PRKD1: variants seen among roughly 807,000 people sequenced by gnomAD.
PRKD1 encodes serine/threonine-protein kinase D1.
A neutral mutation model predicts 95.9 loss-of-function variants in PRKD1; 63 were observed. The ratio of observed to expected loss-of-function variants is 0.66; its 90% CI spans 0.54 to 0.81. The LOEUF (loss-of-function observed/expected upper bound fraction) is 0.81, where lower values mean the gene tolerates loss of function less well. Among genes scored for constraint, PRKD1 ranks in the 30% least tolerant of loss-of-function variants. The pLI is 0.00. For missense variants in PRKD1, 1,048 were observed against 1,165.3 expected, an observed-to-expected ratio of 0.90 and a Z score of 1.47; for synonymous variants, 425 against 423.1, an observed-to-expected ratio of 1.00 and a Z score of -0.05.
At chr14:29,804,924 T>C (rs1357367898) in intron 1 of PRKD1, among the ~76,000 whole-genome samples, 2 of 152,142 alleles carry the variant, frequency 1.3e-5, no homozygotes, top group African/African-American at 4.8e-5. Flanking sequence ...GGAAATCTCA[T>C]AGGGCTTAAA....
intron 16 of PRKD1, among the ~76,000 whole-genome samples, chr14:29,590,829 C>T (rs981649110): frequency 1.2e-4 from 18 of 152,138 alleles, no homozygotes; most frequent in African/African-American, 2.2e-4. Context: ...CTGGCTCTGT[C>T]GCCCAGGCTG....
chr14:29,898,630 C>T lies in PRKD1; in HGVS notation c.264+28619G>A, dbSNP rs956621169. Among the ~76,000 whole-genome samples, 4 of 152,258 alleles carry T rather than the reference C, an allele frequency of 2.6e-5. No individual in the cohort carries two copies. The East Asian group carries it at 7.7e-4, about 29-fold the overall frequency. On this transcript the variant is annotated intron_variant, in intron 1 of 17. Coordinates refer to ENST00000331968, the MANE Select transcript of PRKD1 (RefSeq NM_002742.3). ...TCAGGTAATTTTTATTGTCTTCAAA[C>T]ACCACTAGATTGATAATTCTGACCA...
intron 1 of PRKD1, among the ~76,000 whole-genome samples, chr14:29,923,244 AAAC>A (rs1895186642): frequency 6.6e-6 from 1 of 150,660 alleles, no homozygotes; most frequent in African/African-American, 2.5e-5. Flanking sequence ...AAAAAAAAAA[AAAC>A]ACACAGTAAA....
intron 13 of PRKD1, among the ~76,000 whole-genome samples, chr14:29,621,530 GT>G (rs1879267918): frequency 6.6e-6 from 1 of 151,740 alleles, no homozygotes; most frequent in Non-Finnish European, 1.5e-5. Flanking sequence ...ATAATTGGCA[GT>G]TTTATAATAA....
rs565275870 is a variant in PRKD1, at chr14:29,599,776, A to G, written c.1947T>C (p.Phe649=). The G allele has an allele frequency of 1.2e-6, 2 of 1,613,142 alleles. No homozygotes were observed. Among genetic ancestry groups the G allele is most frequent in the Non-Finnish European group, 1.7e-6 (2 of 1,179,634 alleles). ...CAACAAACACTCTTTCAGGCGTCTC[A>G]AACATACACTCCAAATTTACAACAC... The part of the protein sequence containing the change: ...HPGVVNLECM[F]ETPERVFVVM... The change falls in exon 14 of 18, where the codon TTT becomes TTC. Residue 649 remains phenylalanine (F), a synonymous_variant. Coordinates refer to ENST00000331968, the MANE Select transcript of PRKD1 (RefSeq NM_002742.3).
intron 2 of PRKD1, among the ~76,000 whole-genome samples, chr14:29,699,230 C>T (rs1884698956): frequency 6.6e-6 from 1 of 152,166 alleles, no homozygotes; most frequent in African/African-American, 2.4e-5. Flanking sequence ...TTGAAAAGTA[C>T]TATCAAGTTG....
intron 13 of PRKD1, among the ~76,000 whole-genome samples, chr14:29,622,489 G>A (rs1366862658): frequency 2.0e-5 from 3 of 149,678 alleles, no homozygotes; most frequent in Non-Finnish European, 4.4e-5. Context: ...CTGCAACCTC[G>A]CCTCCCAGGT....
At chr14:29,612,478 C>A (rs901240446) in intron 13 of PRKD1, among the ~76,000 whole-genome samples, 1 of 152,114 alleles carries the variant, frequency 6.6e-6, no homozygotes, top group Non-Finnish European at 1.5e-5. Context: ...GTCCCCAAAA[C>A]ACTCCTATGA....
intron 1 of PRKD1, among the ~76,000 whole-genome samples, chr14:29,869,703 T>C (rs1594590453): frequency 6.6e-6 from 1 of 152,232 alleles, no homozygotes; most frequent in East Asian, 1.9e-4. Context: ...TATGCTATGG[T>C]CCCCCAGTCT....
intron 13 of PRKD1, among the ~76,000 whole-genome samples, chr14:29,616,909 G>A (rs577946802): frequency 6.6e-6 from 1 of 152,246 alleles, no homozygotes; most frequent in South Asian, 2.1e-4. Context: ...CAGATAATAA[G>A]CATTAGTACT....
chr14:29,882,537 C>A (rs577427555), intron 1 of PRKD1, among the ~76,000 whole-genome samples: 2 of 151,936 alleles, frequency 1.3e-5, no homozygotes, highest in Non-Finnish European at 2.9e-5. Context: ...TAAAATTTAC[C>A]ATCTTAACCA....
intron 2 of PRKD1, among the ~76,000 whole-genome samples, chr14:29,723,319 C>T (rs1157380447): frequency 6.6e-6 from 1 of 152,080 alleles, no homozygotes; most frequent in African/African-American, 2.4e-5. Flanking sequence ...CACTCAACTC[C>T]TCAACTAAGA....
intron 1 of PRKD1, among the ~76,000 whole-genome samples, chr14:29,901,892 T>A (rs1894331611): frequency 6.6e-6 from 1 of 152,196 alleles, no homozygotes; most frequent in South Asian, 2.1e-4. Context: ...ATCCAGAAGT[T>A]AGGAGGCTGC....
intron 1 of PRKD1, among the ~76,000 whole-genome samples, chr14:29,741,765 ATTTT>A (rs1886988282): frequency 6.6e-6 from 1 of 152,058 alleles, no homozygotes; most frequent in Non-Finnish European, 1.5e-5. Flanking sequence ...CTTAACTTCC[ATTTT>A]GTTAATTTTA....
chr14:29,684,143 G>GTTTTTTTTTTTTTTTTTT, intron 2 of PRKD1, among the ~76,000 whole-genome samples: 1 of 135,792 alleles, frequency 7.4e-6, no homozygotes, highest in Non-Finnish European at 1.6e-5. Context: ...CTTTAGAATG[G>GTTTTTTTTTTTTTTTTTT]TTTTTTTTTT....
intron 2 of PRKD1, among the ~76,000 whole-genome samples, chr14:29,672,090 C>T (rs928212425): frequency 6.6e-6 from 1 of 152,120 alleles, no homozygotes; most frequent in Non-Finnish European, 1.5e-5. Flanking sequence ...TGCCTGTAAT[C>T]CCAGCACTTT....
At chr14:29,683,623 G>A (rs1483576771) in intron 2 of PRKD1, among the ~76,000 whole-genome samples, 1 of 152,174 alleles carries the variant, frequency 6.6e-6, no homozygotes, top group South Asian at 2.1e-4. Context: ...GATGATAAAA[G>A]AGAAGCAATA....
chr14:29,846,754 A>G (rs1025500861), intron 1 of PRKD1, among the ~76,000 whole-genome samples: 1 of 152,232 alleles, frequency 6.6e-6, no homozygotes, highest in Non-Finnish European at 1.5e-5. Context: ...GTTGACTGGC[A>G]GGTGAGAGTG....
chr14:29,597,457 T>C, intron 16 of PRKD1, 34 bp downstream of exon 16: 1 of 1,517,388 alleles, frequency 6.6e-7, no homozygotes, highest in South Asian at 1.3e-5. Flanking sequence ...AAATAAGGAT[T>C]AGATTATTAT....
Sources: allele counts gnomAD v4.1 joint callset (sites outside exome capture counted in the v4.1 genomes callset), GRCh38; gene constraint gnomAD v4.1.1; transcripts MANE v1.5; gene names NCBI Gene and HGNC (gene_info 2026-07-23, HGNC 2026-07-21).